Variants in MCTP2 observed in about 807,000 individuals in gnomAD.
The protein encoded by MCTP2 is multiple C2 and transmembrane domain containing 2.
Under a neutral mutation model 111.6 loss-of-function variants are expected in MCTP2, and 132 were observed. The observed-to-expected ratio is 1.18, with a 90% CI of 1.03 to 1.37. The LOEUF is 1.37. Among genes scored for constraint, MCTP2 ranks in the 40% most tolerant of loss-of-function variants. The pLI is 0.00. For missense variants in MCTP2, 1,183 were observed against 1,067.9 expected, an observed-to-expected ratio of 1.11 and a Z score of -1.50; for synonymous variants, 395 against 387.7, an observed-to-expected ratio of 1.02 and a Z score of -0.22.
At chr15:94,363,525 T>C (rs1319469920) in intron 10 of MCTP2, among the ~76,000 whole-genome samples, 1 of 152,012 alleles carries the variant, frequency 6.6e-6, no homozygotes. Flanking sequence ...GAGAGCACAT[T>C]CTCTCCGAAA....
chr15:94,270,145 A>G (rs772583827), intron 1 of MCTP2, among the ~76,000 whole-genome samples: 3 of 151,992 alleles, frequency 2.0e-5, no homozygotes, highest in Non-Finnish European at 4.4e-5. Context: ...CACATAGGAG[A>G]TGGGGACTAT....
intron 8 of MCTP2, among the ~76,000 whole-genome samples, chr15:94,354,337 C>T (rs1203665470): frequency 1.3e-5 from 2 of 152,074 alleles, no homozygotes; most frequent in Non-Finnish European, 2.9e-5. Context: ...ATTGTAATCC[C>T]CATAATCCCC....
At chr15:94,345,051 A>G in intron 7 of MCTP2, 78 bp from the exon 8 acceptor site, 1 of 1,505,212 alleles carries the variant, frequency 6.6e-7, no homozygotes, top group Non-Finnish European at 9.2e-7. Context: ...CTAACATAAT[A>G]TAATTACATT....
rs1055409439 is a variant in MCTP2 at position 94,244,179 on chromosome 15, T to C, written c.-66+12515T>C. ...TTATATACACGTGTATACACATACG[T>C]ATGTGTATATGTTTATATACACGTG... On this transcript the variant is annotated intron_variant, in intron 1 of 22. Transcript: ENST00000357742. Among the ~76,000 whole-genome samples, 27 of 146,778 alleles carry C rather than the reference T, an allele frequency of 1.8e-4. 2 individuals are homozygous for C. Among genetic ancestry groups the C allele is most frequent in the African/African-American group, 6.4e-4 (25 of 39,286 alleles).
intron 1 of MCTP2, among the ~76,000 whole-genome samples, chr15:94,294,286 A>T (rs1459185342): frequency 1.3e-5 from 2 of 152,220 alleles, no homozygotes; most frequent in Non-Finnish European, 2.9e-5. Context: ...GTAAACACAA[A>T]TCTGTAAATG....
chr15:94,402,417 A>G, intron 17 of MCTP2: 1 of 1,528,432 alleles, frequency 6.5e-7, no homozygotes, highest in Non-Finnish European at 8.8e-7. Context: ...AAACTTTGAT[A>G]TTAAAGATGT....
chr15:94,294,242 TAGAC>T (rs1244954490), intron 1 of MCTP2, among the ~76,000 whole-genome samples: 3 of 152,204 alleles, frequency 2.0e-5, no homozygotes, highest in African/African-American at 4.8e-5. Context: ...CCTTTGGGGA[TAGAC>T]AGACCCCTCT....
At chr15:94,445,770 A>G (rs2084082277) in intron 19 of MCTP2, among the ~76,000 whole-genome samples, 1 of 152,252 alleles carries the variant, frequency 6.6e-6, no homozygotes, top group Non-Finnish European at 1.5e-5. Context: ...ACACTCAGTG[A>G]GAGATGAACT....
chr15:94,280,586 C>T (rs1424641930), intron 1 of MCTP2, among the ~76,000 whole-genome samples: 2 of 151,234 alleles, frequency 1.3e-5, no homozygotes, highest in African/African-American at 4.9e-5. Context: ...GTTTTTGTGT[C>T]TCAATTTGAT....
intron 19 of MCTP2, among the ~76,000 whole-genome samples, chr15:94,445,516 G>T (rs2084062615): frequency 6.6e-6 from 1 of 152,090 alleles, no homozygotes; most frequent in Non-Finnish European, 1.5e-5. Context: ...TAAGGGATTT[G>T]TAAACTAAAG....
At chr15:94,355,562 C>T (rs568892384) in intron 8 of MCTP2, among the ~76,000 whole-genome samples, 4 of 152,278 alleles carry the variant, frequency 2.6e-5, no homozygotes, top group South Asian at 2.1e-4. Context: ...GCCCCCTTCC[C>T]TCCCACCCCC....
At chr15:94,463,793 C>T (rs1320955376) in intron 20 of MCTP2, among the ~76,000 whole-genome samples, 1 of 152,086 alleles carries the variant, frequency 6.6e-6, no homozygotes, top group Non-Finnish European at 1.5e-5. Flanking sequence ...TGAACATGAG[C>T]TGAGCTTTCC....
At chr15:94,276,034 T>TG (rs1311262851) in intron 1 of MCTP2, among the ~76,000 whole-genome samples, 2 of 151,790 alleles carry the variant, frequency 1.3e-5, no homozygotes, top group Non-Finnish European at 2.9e-5. Context: ...TTAGTAGAGA[T>TG]GGGATTTCAC....
intron 4 of MCTP2, among the ~76,000 whole-genome samples, chr15:94,336,998 G>C (rs1228289792): frequency 6.6e-6 from 1 of 152,024 alleles, no homozygotes; most frequent in Non-Finnish European, 1.5e-5. Context: ...CAGTGAACAA[G>C]GTTAAAGTCC....
chr15:94,340,331 T>C, intron 6 of MCTP2, 56 bp downstream of exon 6: 1 of 1,243,996 alleles, frequency 8.0e-7, no homozygotes, highest in Non-Finnish European at 1.2e-6. Context: ...GAACTTACGA[T>C]AATGTTAAAT....
At chr15:94,262,483 A>G (rs2073241340) in intron 1 of MCTP2, among the ~76,000 whole-genome samples, 1 of 152,208 alleles carries the variant, frequency 6.6e-6, no homozygotes, top group South Asian at 2.1e-4. Flanking sequence ...AAGCAAATCT[A>G]ACAGTGATTG....
intron 17 of MCTP2, among the ~76,000 whole-genome samples, chr15:94,413,059 A>G (rs898662607): frequency 6.6e-6 from 1 of 152,208 alleles, no homozygotes; most frequent in Non-Finnish European, 1.5e-5. Flanking sequence ...GGGTTGGGGA[A>G]TAAGAGGAGG....
Position 94,401,975 on chromosome 15 carries a change from T to A in MCTP2, c.2041T>A (p.Cys681Ser). 6.2e-7 allele frequency: 1 copy of A among 1,613,722 alleles called. No individual in the cohort carries two copies. ...GAATACAATGCAGTTCCTTAAAAGC[T>A]GCTTCCAGTGGGAATCCACATTAAG... ...IWNTMQFLKS[C>S]FQWESTLRST... The change falls in exon 17 of 23, where the codon TGC (cysteine) becomes AGC (serine). Residue 681 changes from cysteine (C) to serine (S), a missense_variant. Transcript: ENST00000357742.
chr15:94,245,714 GTGTATATA>G (rs2071931107), intron 1 of MCTP2, among the ~76,000 whole-genome samples: 1 of 142,798 alleles, frequency 7.0e-6, no homozygotes, highest in African/African-American at 2.6e-5. Context: ...GTGTGTGTGT[GTGTATATA>G]TATATATATA....
Sources: gnomAD v4.1 joint callset for allele counts (sites outside exome capture counted in the v4.1 genomes callset) on GRCh38, gnomAD v4.1.1 for gene constraint, MANE v1.5 for transcripts, NCBI Gene and HGNC (gene_info 2026-07-23, HGNC 2026-07-21) for gene names.